PCDHGA10: variants seen among roughly 807,000 people sequenced by gnomAD.
PCDHGA10 encodes protocadherin gamma subfamily A, 10, also known as protocadherin gamma-A10.
Under a neutral mutation model 59.5 loss-of-function variants are expected in PCDHGA10, and 42 were observed. The observed-to-expected ratio is 0.71, with a 90% confidence interval of 0.55 to 0.91. The LOEUF (loss-of-function observed/expected upper bound fraction) is 0.91, where lower values mean the gene tolerates loss of function less well. Among genes scored for constraint, PCDHGA10 ranks in the 40% least tolerant of loss-of-function variants. The pLI is 0.00. For synonymous variants in PCDHGA10, 511 were observed against 517.2 expected, an observed-to-expected ratio of 0.99 and a Z score of 0.16; for missense variants, 1,111 against 1,198.2, an observed-to-expected ratio of 0.93 and a Z score of 1.07.
Position 141,415,563 on chromosome 5 carries a change from T to G in PCDHGA10, c.2388T>G (p.Ser796=). 1.2e-6 allele frequency: 2 copies of G among 1,614,168 alleles called. No individual in the cohort carries two copies. Among genetic ancestry groups the G allele is most frequent in the Non-Finnish European group, 1.7e-6 (2 of 1,180,020 alleles). The change falls in exon 1 of 4, where the codon TCT becomes TCG. Residue 796 remains serine (S), a synonymous_variant. Transcript: ENST00000398610. ...QESCEKNDPL[S]LLDDSKFPIE... is the part of the protein sequence containing the mutation. ...GCTGTGAGAAAAACGATCCTTTGTCTTTGTTAGATGATTCGAAGTTTCCTA... is the reference window on the plus strand; with the variant it reads ...GCTGTGAGAAAAACGATCCTTTGTCGTTGTTAGATGATTCGAAGTTTCCTA...
Position 141,486,970 on chromosome 5 carries a change from T to G in PCDHGA10, c.2437-7837T>G, listed in dbSNP as rs754309905. 1 of 1,614,050 alleles carries G rather than the reference T, an allele frequency of 6.2e-7. No individual in the cohort carries two copies. Among genetic ancestry groups the G allele is most frequent in the African/African-American group, 1.3e-5 (1 of 74,904 alleles). ...CAAAGGTGACTGCTGTGGACTTGGATTCAGGTTACAATGCTTGGGTTTCCT... is the reference window on the plus strand; with the variant it reads ...CAAAGGTGACTGCTGTGGACTTGGAGTCAGGTTACAATGCTTGGGTTTCCT... On this transcript the variant is annotated intron_variant, in intron 1 of 3. Coordinates refer to ENST00000398610, the MANE Select transcript of PCDHGA10 (RefSeq NM_018913.3). This position sits in a 1 kb window ranked among gnomAD's most constrained non-coding sequence, Gnocchi z 5.0.
intron 1 of PCDHGA10, chr5:141,423,945 A>T (rs931771609): frequency 4.1e-6 from 5 of 1,207,688 alleles, no homozygotes; most frequent in Non-Finnish European, 4.1e-6. Context: ...AGTAAGTTGA[A>T]TTTTAGTATT....
Position 141,476,962 on chromosome 5 carries a change from C to T in PCDHGA10, c.2437-17845C>T. The stretch of plus-strand genomic sequence containing the variant: ...GCCCCAACGGTGAAATTATTTACTC[C>T]TTCGGCAGCCACAACCGCGCCGGCG... On this transcript the variant is annotated intron_variant, in intron 1 of 3. Coordinates refer to ENST00000398610, the MANE Select transcript of PCDHGA10 (RefSeq NM_018913.3). The surrounding 1 kb of genome is among the most constrained non-coding windows in gnomAD (Gnocchi z 7.6). 6.2e-7 allele frequency: 1 copy of T among 1,614,200 alleles called. No homozygotes were observed. Among genetic ancestry groups the T allele is most frequent in the South Asian group, 1.1e-5 (1 of 91,090 alleles).
At chr5:141,473,750 G>C (rs777343462) in intron 1 of PCDHGA10, among the ~76,000 whole-genome samples, 1 of 152,192 alleles carries the variant, frequency 6.6e-6, no homozygotes, top group Non-Finnish European at 1.5e-5. Context: ...TGAGAACTTG[G>C]ATACTATGCA....
intron 1 of PCDHGA10, among the ~76,000 whole-genome samples, chr5:141,424,873 A>G (rs549945556): frequency 3.9e-5 from 6 of 152,198 alleles, no homozygotes; most frequent in Non-Finnish European, 8.8e-5. Context: ...CAAATGAGGA[A>G]AGGAGACTTA....
In PCDHGA10 at chr5:141,438,090, A is replaced by G. The variant is rs560861677; in HGVS notation, c.2436+22479A>G. 1.2e-4 allele frequency among the ~76,000 whole-genome samples: 18 copies of G among 152,310 alleles called. No individual in the cohort carries two copies. In the South Asian group the frequency reaches 3.5e-3, roughly 30 times the overall value. ...CATACTTAATGGAAAATTACCAGTA[A>G]CAGGGCATACTGTTTAGGATGCATT... On this transcript the variant is annotated intron_variant, in intron 1 of 3. Coordinates refer to ENST00000398610, the MANE Select transcript of PCDHGA10 (RefSeq NM_018913.3).
intron 1 of PCDHGA10, among the ~76,000 whole-genome samples, chr5:141,461,604 T>G (rs1166575574): frequency 6.6e-6 from 1 of 152,228 alleles, no homozygotes; most frequent in Non-Finnish European, 1.5e-5. Context: ...TATAATTTAG[T>G]TCAAAGTATT....
chr5:141,489,165 G>T lies in PCDHGA10; in HGVS notation c.2437-5642G>T. ...GAAGGAGACATAAGAGACTTCAGCT[G>T]CTGCATTCCAAGCCCTGGGTCTACC... On this transcript the variant is annotated intron_variant, in intron 1 of 3. Coordinates refer to ENST00000398610, the MANE Select transcript of PCDHGA10 (RefSeq NM_018913.3). This position sits in a 1 kb window ranked among gnomAD's most constrained non-coding sequence, Gnocchi z 4.5. 9.2e-7 allele frequency: 1 copy of T among 1,082,084 alleles called. No homozygotes were observed. Among genetic ancestry groups the T allele is most frequent in the Non-Finnish European group, 1.3e-6 (1 of 745,856 alleles). 67.0% of individuals were successfully genotyped at this position (1,082,084 alleles called of 1,614,324 possible).
chr5:141,499,260 G>T (rs2099790657), intron 2 of PCDHGA10, among the ~76,000 whole-genome samples: 1 of 152,028 alleles, frequency 6.6e-6, no homozygotes, highest in African/African-American at 2.4e-5. Context: ...GTCTCCATTT[G>T]GTCCCTAGAC....
intron 1 of PCDHGA10, chr5:141,419,502 T>C: frequency 6.2e-7 from 1 of 1,612,388 alleles, no homozygotes; most frequent in Admixed American, 1.7e-5. Context: ...AATGTGAGCC[T>C]GCGCGTGTTG....
chr5:141,464,138 G>A (rs62379197), intron 1 of PCDHGA10, among the ~76,000 whole-genome samples: 42,814 of 151,688 alleles, frequency 0.28, 6,814 homozygotes, highest in African/African-American at 0.44. Context: ...GGTGGTGGGC[G>A]CCTGTAGTCC....
chr5:141,438,700 AC>A (rs2098052453), intron 1 of PCDHGA10, among the ~76,000 whole-genome samples: 1 of 144,406 alleles, frequency 6.9e-6, no homozygotes, highest in Non-Finnish European at 1.5e-5. Context: ...TTGCTCTGTC[AC>A]CCAGGCTGGA....
chr5:141,509,233 AG>A (rs1204393769), intron 3 of PCDHGA10, among the ~76,000 whole-genome samples: 1 of 152,104 alleles, frequency 6.6e-6, no homozygotes, highest in Non-Finnish European at 1.5e-5. Context: ...TTGATGTCCC[AG>A]GATTACTCAG....
rs911954966 is a variant in PCDHGA10, at chr5:141,491,081, C to G, written c.2437-3726C>G. On this transcript the variant is annotated intron_variant, in intron 1 of 3. Coordinates refer to ENST00000398610, the MANE Select transcript of PCDHGA10 (RefSeq NM_018913.3). This position sits in a 1 kb window ranked among gnomAD's most constrained non-coding sequence, Gnocchi z 6.9. ...TCCTACTCACTGTTGCCACAGTCCACAGCCCCAGGACTGTTCCTCGTGTCT... is the reference window on the plus strand; with the variant it reads ...TCCTACTCACTGTTGCCACAGTCCAGAGCCCCAGGACTGTTCCTCGTGTCT... The G allele has an allele frequency of 4.3e-6, 7 of 1,614,176 alleles. No individual in the cohort carries two copies. Among genetic ancestry groups the G allele is most frequent in the Non-Finnish European group, 5.9e-6 (7 of 1,180,010 alleles).
intron 1 of PCDHGA10, chr5:141,422,289 T>A: frequency 1.3e-6 from 2 of 1,553,678 alleles, no homozygotes; most frequent in Non-Finnish European, 1.7e-6. Context: ...CCTCTTCTAT[T>A]AATTCAATTC....
At position 141,423,488 on chromosome 5, in the gene PCDHGA10, A is replaced by G. The variant is rs141810253; in HGVS notation, c.2436+7877A>G. The G allele has an allele frequency of 9.2e-4, 1,481 of 1,613,946 alleles. 7 individuals carry two copies. The highest frequency in any genetic ancestry group is 3.0e-3 in the Middle Eastern group (18 of 6,062). On this transcript the variant is annotated intron_variant, in intron 1 of 3. Transcript: ENST00000398610. The stretch of plus-strand genomic sequence containing the variant: ...GGGGTACAGGCTTTCCTGCAAACCT[A>G]TTCCCACGAGGTCTCTCTCATTGCG...
chr5:141,491,705 G>A lies in PCDHGA10; in HGVS notation c.2437-3102G>A. ...ACGCTGCGGGAGCGGAGCCAGGTGA[G>A]GGGCTCGGCGCCGCCCCGGGCGACC... is the stretch of plus-strand genomic sequence containing the variant. On this transcript the variant is annotated intron_variant, in intron 1 of 3. Transcript: ENST00000398610. The surrounding 1 kb of genome is among the most constrained non-coding windows in gnomAD (Gnocchi z 6.9). 1 of 1,611,064 alleles carries A rather than the reference G, an allele frequency of 6.2e-7. No homozygotes were observed. Among genetic ancestry groups the A allele is most frequent in the South Asian group, 1.1e-5 (1 of 90,828 alleles).
At chr5:141,420,353 G>C (rs1281948860) in intron 1 of PCDHGA10, 1 of 1,382,260 alleles carries the variant, frequency 7.2e-7, no homozygotes, top group African/African-American at 1.5e-5. Context: ...ATTATTTTAA[G>C]ATTCTAGATA....
At chr5:141,473,033 G>GGAAA (rs1282468299) in intron 1 of PCDHGA10, among the ~76,000 whole-genome samples, 1 of 146,284 alleles carries the variant, frequency 6.8e-6, no homozygotes, top group African/African-American at 2.5e-5. Flanking sequence ...AAGGAAGGAA[G>GGAAA]GAAAGAAAGA....
Sources: gnomAD v4.1 joint callset for allele counts (sites outside exome capture counted in the v4.1 genomes callset) on GRCh38, gnomAD v4.1.1 for gene constraint, Gnocchi (gnomAD v3.1) non-coding constraint, MANE v1.5 for transcripts, NCBI Gene and HGNC (gene_info 2026-07-23, HGNC 2026-07-21) for gene names.